The following RETREG3 variants were observed in gnomAD, a reference collection of about 807,000 sequenced individuals.
RETREG3 encodes reticulophagy regulator family member 3.
A neutral mutation model predicts 50.2 loss-of-function variants in RETREG3; 23 were observed. The ratio of observed to expected loss-of-function variants is 0.46; its 90% CI spans 0.33 to 0.65. RETREG3 has a LOEUF of 0.65. Ranked by LOEUF, RETREG3 falls within the 30% of genes least tolerant of loss-of-function variation. The pLI is 0.02. For missense variants in RETREG3, 546 were observed against 598.0 expected (o/e 0.91, Z 0.91); for synonymous variants, 240 against 234.4 (o/e 1.02, Z -0.22).
In RETREG3 at chr17:42,582,912, A is replaced by G. The variant is rs1193277894; in HGVS notation, c.811-106T>C. 4.2e-6 allele frequency: 6 copies of G among 1,435,480 alleles called. No individual in the cohort carries two copies. The African/African-American group carries it at 8.5e-5, about 20-fold the overall frequency. 88.9% of individuals were successfully genotyped at this position (1,435,480 alleles called of 1,614,324 possible). A position where few individuals can be genotyped will look rare whatever the true frequency, so the allele number is the denominator to read the frequency against. ...AGCATTAGTTATCCGAAGGCCATCA[A>G]ATCAATGTAACCAGGGATAGATGGT... On this transcript the variant is annotated intron_variant, in intron 7 of 8. Transcript: ENST00000309428.
chr17:42,592,240 G>T, intron 1 of RETREG3, 78 bp from the exon 2 acceptor site: 1 of 1,170,476 alleles, frequency 8.5e-7, no homozygotes, highest in East Asian at 2.4e-5. Context: ...GTGTACGATG[G>T]GCTCTGTGGT....
chr17:42,586,415 T>G (rs1567921477), intron 4 of RETREG3: 4 of 435,758 alleles, frequency 9.2e-6, no homozygotes, highest in Non-Finnish European at 1.6e-5. Context: ...GAAAGCAATG[T>G]TGGTGGTGGT....
In RETREG3 at chr17:42,609,312, C is replaced by A; in HGVS notation, c.13G>T (p.Glu5Ter). The A allele has an allele frequency of 6.3e-7, 1 of 1,598,892 alleles. No homozygotes were observed. The highest frequency in any genetic ancestry group is 8.5e-7 in the Non-Finnish European group (1 of 1,178,556). The change falls in exon 1 of 9, where the codon GAA becomes TAA. Residue 5 changes from glutamate to a stop codon, truncating the protein, a stop_gained. Transcript: ENST00000309428. LOFTEE classifies it high-confidence loss of function. MAEA[E>*]GVPTTPGPAS... Reference sequence around the variant, plus strand: ...GGGCCTGGGGTCGTGGGAACCCCTTCGGCCTCAGCCATCTCCCCGCGGCAG... The same window carrying A: ...GGGCCTGGGGTCGTGGGAACCCCTTAGGCCTCAGCCATCTCCCCGCGGCAG...
At position 42,601,055 on chromosome 17, in the gene RETREG3, C is replaced by T. The variant is rs577471145; in HGVS notation, c.239+8031G>A. 9.1e-4 allele frequency among the ~76,000 whole-genome samples: 139 copies of T among 152,268 alleles called. 1 individual carries two copies. Among genetic ancestry groups the T allele is most frequent in the Admixed American group, 2.6e-3 (39 of 15,290 alleles). On this transcript the variant is annotated intron_variant, in intron 1 of 8. Coordinates refer to ENST00000309428, the MANE Select transcript of RETREG3 (RefSeq NM_178126.4). Reference sequence around the variant, plus strand: ...CTTTGGGAGGCTGAAGCAGGTAGATCACTTGACATCAGGAGTTCAAGACCA... The same window carrying T: ...CTTTGGGAGGCTGAAGCAGGTAGATTACTTGACATCAGGAGTTCAAGACCA...
chr17:42,605,124 G>A (rs1694641925), intron 1 of RETREG3: 1 of 151,060 alleles, frequency 6.6e-6, no homozygotes, highest in Non-Finnish European at 1.5e-5. Context: ...GAATACTATG[G>A]TGACAAGGTA....
At chr17:42,594,339 T>C (rs1325011433) in intron 1 of RETREG3, among the ~76,000 whole-genome samples, 1 of 152,032 alleles carries the variant, frequency 6.6e-6, no homozygotes, top group African/African-American at 2.4e-5. Context: ...GCAGATCACC[T>C]GAGGTTAGGA....
At position 42,609,330 on chromosome 17, in the gene RETREG3, C is replaced by T. The variant is rs574122604; in HGVS notation, c.-6G>A. The T allele has an allele frequency of 5.0e-6, 8 of 1,593,896 alleles. No individual in the cohort carries two copies. In the Admixed American group the frequency reaches 8.4e-5, roughly 17 times the overall value. Reference sequence around the variant, plus strand: ...ACCCCTTCGGCCTCAGCCATCTCCCCGCGGCAGCCACAACATCCGGGGCCG... The same window carrying T: ...ACCCCTTCGGCCTCAGCCATCTCCCTGCGGCAGCCACAACATCCGGGGCCG... On this transcript the variant is annotated 5_prime_UTR_variant, in exon 1 of 9. Coordinates refer to ENST00000309428, the MANE Select transcript of RETREG3 (RefSeq NM_178126.4).
In RETREG3 at chr17:42,586,861, G is replaced by C. The variant is rs754002348; in HGVS notation, c.408C>G (p.Ser136Arg). 1 of 1,614,082 alleles carries C rather than the reference G, an allele frequency of 6.2e-7. No homozygotes were observed. The highest frequency in any genetic ancestry group is 2.2e-5 in the East Asian group (1 of 44,884). Residue 136 changes from serine (S) to arginine (R), a missense_variant, in exon 4 of 9, where the codon AGC (serine) becomes AGG (arginine). Ser to Arg is a moderately radical substitution (Grantham distance 110). Transcript: ENST00000309428. ...CTACATGGTGGCAGAGCTCGGGCACGCTGAGCAACCGAGGGTGCACAAAGC... is the reference window on the plus strand; with the variant it reads ...CTACATGGTGGCAGAGCTCGGGCACCCTGAGCAACCGAGGGTGCACAAAGC... ...SWGFVHPRLL[S>R]VPELCHHVAE...
Position 42,581,890 on chromosome 17 carries a change from C to G in RETREG3, c.1324G>C (p.Ala442Pro), listed in dbSNP as rs2093109585. The change falls in exon 9 of 9, where the codon GCT becomes CCT. Residue 442 changes from alanine to proline, a missense_variant. Coordinates refer to ENST00000309428, the MANE Select transcript of RETREG3 (RefSeq NM_178126.4). ...RSPSSDLDTD[A>P]EGDDFELLDQ... ...AGAAGTTCAAAGTCATCCCCCTCAG[C>G]ATCAGTGTCCAGGTCTGAACTGGGG... 2 of 1,613,808 alleles carry G rather than the reference C, an allele frequency of 1.2e-6. No homozygotes were observed. Among genetic ancestry groups the G allele is most frequent in the African/African-American group, 2.7e-5 (2 of 74,930 alleles).
chr17:42,594,784 G>C (rs2093140496), intron 1 of RETREG3, among the ~76,000 whole-genome samples: 1 of 151,714 alleles, frequency 6.6e-6, no homozygotes, highest in Non-Finnish European at 1.5e-5. Context: ...CTGCGAGGCG[G>C]AGCTTGCAGT....
chr17:42,605,721 A>G (rs958216492), intron 1 of RETREG3, among the ~76,000 whole-genome samples: 1 of 152,114 alleles, frequency 6.6e-6, no homozygotes, highest in African/African-American at 2.4e-5. Context: ...GGCCAGGGAC[A>G]GTGGCTCACA....
rs560323137 is a variant in RETREG3, at chr17:42,583,304, T to C, written c.810+194A>G. 1.2e-4 allele frequency among the ~76,000 whole-genome samples: 18 copies of C among 151,874 alleles called. No individual in the cohort carries two copies. In the South Asian group the frequency reaches 3.5e-3, roughly 30 times the overall value. On this transcript the variant is annotated intron_variant, in intron 7 of 8. Coordinates refer to ENST00000309428, the MANE Select transcript of RETREG3 (RefSeq NM_178126.4). ...TGGGCATCAGGCTCTAATTGAGACC[T>C]AGGTTGATTACAGGAATGATATGAT...
At chr17:42,608,868 C>A in intron 1 of RETREG3, 1 of 538,770 alleles carries the variant, frequency 1.9e-6, no homozygotes, top group Non-Finnish European at 3.3e-6. Context: ...GGCGGGGGTG[C>A]GGGCACAGGT....
At chr17:42,591,507 A>AT (rs1252209082) in intron 2 of RETREG3, among the ~76,000 whole-genome samples, 2 of 151,870 alleles carry the variant, frequency 1.3e-5, no homozygotes, top group East Asian at 1.9e-4. Flanking sequence ...TGCCCAGCTA[A>AT]TTTTTTGTAT....
intron 5 of RETREG3, among the ~76,000 whole-genome samples, 172 bp downstream of exon 5, chr17:42,585,881 G>C (rs2093120245): frequency 6.6e-6 from 1 of 152,066 alleles, no homozygotes; most frequent in Admixed American, 6.5e-5. Flanking sequence ...TGTATGTGGA[G>C]AGCCTGCTAA....
chr17:42,583,678 C>CAGATTCAGAGAGGCTCTTTGT, intron 6 of RETREG3, 98 bp from the exon 7 acceptor site: 1 of 1,106,086 alleles, frequency 9.0e-7, no homozygotes, highest in Non-Finnish European at 1.3e-6. Flanking sequence ...AACAAAGAGC[C>CAGATTCAGAGAGGCTCTTTGT]TCTCTGAATC....
In RETREG3 at chr17:42,579,523, A is replaced by C. The variant is rs2143355723; in HGVS notation, c.*2290T>G. Reference sequence around the variant, plus strand: ...CATCAGTCTCTTAAAGATTGTTCTCATACAAGATTTATTCCCCAGCACACC... The same window carrying C: ...CATCAGTCTCTTAAAGATTGTTCTCCTACAAGATTTATTCCCCAGCACACC... On this transcript the variant is annotated 3_prime_UTR_variant, in exon 9 of 9. Transcript: ENST00000309428. The C allele has an allele frequency of 6.5e-6, 1 of 152,922 alleles. No homozygotes were observed. The highest frequency in any genetic ancestry group is 2.1e-4 in the South Asian group (1 of 4,824). 9.5% of individuals were successfully genotyped at this position (152,922 alleles called of 1,614,324 possible). A position where few individuals can be genotyped will look rare whatever the true frequency, so the allele number is the denominator to read the frequency against.
rs780765803 is a variant in RETREG3, at chr17:42,581,965, C to T, written c.1249G>A (p.Gly417Ser). ...QLALSGASQP[G>S]PSGAPAQRAT... is the part of the protein sequence containing the mutation. Reference sequence around the variant, plus strand: ...CTCTGGGCAGGTGCTCCAGAAGGGCCTGGTTGGGAGGCCCCTGACAAGGCC... The same window carrying T: ...CTCTGGGCAGGTGCTCCAGAAGGGCTTGGTTGGGAGGCCCCTGACAAGGCC... Residue 417 changes from glycine (G) to serine (S), a missense_variant, in exon 9 of 9, where the codon GGC (glycine) becomes AGC (serine). By Grantham distance (56) the Gly-to-Ser change is moderately conservative (BLOSUM62 0). Coordinates refer to ENST00000309428, the MANE Select transcript of RETREG3 (RefSeq NM_178126.4). The T allele has an allele frequency of 6.2e-7, 1 of 1,613,954 alleles. No homozygotes were observed. Among genetic ancestry groups the T allele is most frequent in the East Asian group, 2.2e-5 (1 of 44,874 alleles).
At chr17:42,582,833 A>T (rs2093112803) in intron 7 of RETREG3, 27 bp from the exon 8 acceptor site, 7 of 1,613,848 alleles carry the variant, frequency 4.3e-6, no homozygotes, top group Non-Finnish European at 4.2e-6. Context: ...CAAATGTGAG[A>T]TAATGCCATC....
Sources: allele counts gnomAD v4.1 joint callset (sites outside exome capture counted in the v4.1 genomes callset), GRCh38; gene constraint gnomAD v4.1.1; transcripts MANE v1.5; gene names NCBI Gene and HGNC (gene_info 2026-07-23, HGNC 2026-07-21).